SEC24D: variants seen among roughly 807,000 people sequenced by gnomAD.
The protein encoded by SEC24D is protein transport protein Sec24D.
Under a neutral mutation model 116.9 loss-of-function variants are expected in SEC24D, and 69 were observed. That is an observed-to-expected ratio of 0.59 (90% CI 0.49 to 0.72). SEC24D has a LOEUF of 0.72. Among genes scored for constraint, SEC24D ranks in the 30% least tolerant of loss-of-function variants. The pLI is 0.00. For missense variants in SEC24D, 1,131 were observed against 1,264.1 expected (o/e 0.89, Z 1.60); for synonymous variants, 405 against 442.8 (o/e 0.91, Z 1.07).
intron 20 of SEC24D, 40 bp from the exon 21 acceptor site, chr4:118,731,547 T>A: frequency 6.5e-7 from 1 of 1,545,990 alleles, no homozygotes; most frequent in Non-Finnish European, 8.9e-7. Flanking sequence ...ACTCCTTTCT[T>A]CCCCTTCCCT....
intron 8 of SEC24D, among the ~76,000 whole-genome samples, chr4:118,768,769 T>C (rs1375707209): frequency 6.6e-6 from 1 of 152,200 alleles, no homozygotes; most frequent in Non-Finnish European, 1.5e-5. Flanking sequence ...TGATAACACA[T>C]GAATTCAAAG....
chr4:118,806,915 A>T (rs1212932563), intron 6 of SEC24D, among the ~76,000 whole-genome samples: 1 of 152,124 alleles, frequency 6.6e-6, no homozygotes, highest in Non-Finnish European at 1.5e-5. Context: ...TAAGCTCAGG[A>T]GTTCAAGGCT....
chr4:118,832,936 G>A (rs1218882272), intron 2 of SEC24D, among the ~76,000 whole-genome samples: 6 of 152,124 alleles, frequency 3.9e-5, no homozygotes, highest in Admixed American at 2.0e-4. Flanking sequence ...TTAAAATCTC[G>A]GGAAGAATAA....
chr4:118,742,722 G>T (rs1381011692), intron 15 of SEC24D, among the ~76,000 whole-genome samples: 1 of 152,152 alleles, frequency 6.6e-6, no homozygotes, highest in African/African-American at 2.4e-5. Flanking sequence ...TGTCATTTAT[G>T]TTGGAGAATA....
chr4:118,774,132 G>A (rs1037133741), intron 8 of SEC24D, among the ~76,000 whole-genome samples: 1 of 151,476 alleles, frequency 6.6e-6, no homozygotes, highest in East Asian at 1.9e-4. Context: ...TTGCTTTTTT[G>A]CATTTTCAGA....
intron 2 of SEC24D, among the ~76,000 whole-genome samples, chr4:118,827,204 C>A (rs564346343): frequency 6.6e-6 from 1 of 152,212 alleles, no homozygotes; most frequent in Non-Finnish European, 1.5e-5. Context: ...TGGAAGCTGT[C>A]CAGGTTGGCT....
At chr4:118,749,070 T>C (rs961012525) in intron 13 of SEC24D, among the ~76,000 whole-genome samples, 3 of 151,998 alleles carry the variant, frequency 2.0e-5, no homozygotes, top group Non-Finnish European at 2.9e-5. Flanking sequence ...GTGGAAATAA[T>C]AGCTAACTCA....
At chr4:118,728,831 A>G (rs1385336131) in intron 21 of SEC24D, 181 bp from the exon 22 acceptor site, 1 of 517,856 alleles carries the variant, frequency 1.9e-6, no homozygotes, top group Non-Finnish European at 3.4e-6. Context: ...CCATTCCCAT[A>G]ATTGACAGAA....
intron 3 of SEC24D, among the ~76,000 whole-genome samples, chr4:118,819,988 C>T (rs190572539): frequency 9.2e-5 from 14 of 152,092 alleles, no homozygotes; most frequent in African/African-American, 2.9e-4. Flanking sequence ...CAGAAATTCA[C>T]AAATAAATTA....
intron 8 of SEC24D, among the ~76,000 whole-genome samples, chr4:118,775,038 A>G (rs1234577670): frequency 6.6e-6 from 1 of 152,200 alleles, no homozygotes; most frequent in Non-Finnish European, 1.5e-5. Flanking sequence ...AGATCATTTC[A>G]TCCACAAGGG....
chr4:118,732,819 C>T lies in SEC24D; in HGVS notation c.2590G>A (p.Asp864Asn). ...VLLSRPEIST[D>N]ERAYQRQLVM... ...AGCTGTCTCTGGTATGCTCGTTCAT[C>T]AGTTGAGATCTCTGGTCTGCTGAGT... The change falls in exon 20 of 23, where the codon GAT becomes AAT. Residue 864 changes from aspartate (D) to asparagine (N), a missense_variant. By Grantham distance (23) the Asp-to-Asn change is conservative (BLOSUM62 1). Coordinates refer to ENST00000280551, the MANE Select transcript of SEC24D (RefSeq NM_014822.4). The T allele has an allele frequency of 6.2e-7, 1 of 1,614,104 alleles. No homozygotes were observed. Among genetic ancestry groups the T allele is most frequent in the Non-Finnish European group, 8.5e-7 (1 of 1,179,966 alleles).
intron 8 of SEC24D, among the ~76,000 whole-genome samples, chr4:118,790,736 C>A (rs1214477690): frequency 6.6e-6 from 1 of 151,352 alleles, no homozygotes. Flanking sequence ...TTTTATAGGC[C>A]GTTGCTAACA....
intron 22 of SEC24D, among the ~76,000 whole-genome samples, chr4:118,724,008 C>CT (rs1283082171): frequency 7.2e-5 from 11 of 152,180 alleles, no homozygotes; most frequent in African/African-American, 2.7e-4. Context: ...ACAATTATGG[C>CT]TGGCATGTAA....
At chr4:118,726,715 G>A (rs1560596617) in intron 22 of SEC24D, among the ~76,000 whole-genome samples, 1 of 152,162 alleles carries the variant, frequency 6.6e-6, no homozygotes, top group African/African-American at 2.4e-5. Context: ...TGCAGGGCAG[G>A]ACTAGAATTT....
At chr4:118,773,067 CTCTT>C (rs1285662603) in intron 8 of SEC24D, among the ~76,000 whole-genome samples, 1 of 152,104 alleles carries the variant, frequency 6.6e-6, no homozygotes, top group East Asian at 1.9e-4. Flanking sequence ...ACTTTCCCCT[CTCTT>C]TCTAACACTT....
chr4:118,803,910 T>A (rs1228590395), intron 7 of SEC24D, among the ~76,000 whole-genome samples: 1 of 152,002 alleles, frequency 6.6e-6, no homozygotes, highest in Non-Finnish European at 1.5e-5. Flanking sequence ...TTAGCTATAA[T>A]AATAATGTTA....
chr4:118,757,632 A>AG, intron 11 of SEC24D, 89 bp downstream of exon 11: 1 of 1,272,572 alleles, frequency 7.9e-7, no homozygotes, highest in Non-Finnish European at 1.1e-6. Flanking sequence ...AGCAAAAAAA[A>AG]TCAATTGGTC....
intron 8 of SEC24D, among the ~76,000 whole-genome samples, chr4:118,779,815 T>C (rs1462788293): frequency 6.6e-6 from 1 of 152,236 alleles, no homozygotes; most frequent in Non-Finnish European, 1.5e-5. Flanking sequence ...TTCAACTTCT[T>C]CCTGGTTTAG....
intron 8 of SEC24D, among the ~76,000 whole-genome samples, chr4:118,777,761 C>T (rs565115240): frequency 1.4e-4 from 22 of 152,322 alleles, no homozygotes; most frequent in African/African-American, 4.6e-4. Flanking sequence ...CCCACAACCT[C>T]TCCAGCATCT....
Sources: allele counts gnomAD v4.1 joint callset (sites outside exome capture counted in the v4.1 genomes callset), GRCh38; gene constraint gnomAD v4.1.1; transcripts MANE v1.5; gene names NCBI Gene and HGNC (gene_info 2026-07-23, HGNC 2026-07-21).